Variants in SGMS1 observed in about 807,000 individuals in gnomAD.
SGMS1 encodes the protein sphingomyelin synthase 1.
Under a neutral mutation model 46.2 loss-of-function variants are expected in SGMS1, and 13 were observed. That is an observed-to-expected ratio of 0.28 (90% CI 0.18 to 0.45). The LOEUF (loss-of-function observed/expected upper bound fraction) is 0.45, where lower values mean the gene tolerates loss of function less well. Among genes scored for constraint, SGMS1 ranks in the 20% least tolerant of loss-of-function variants. SGMS1 has a pLI of 1.00. For missense variants in SGMS1, 324 were observed against 519.9 expected (o/e 0.62, Z 3.66); for synonymous variants, 203 against 187.8 (o/e 1.08, Z -0.66).
At chr10:50,537,357 G>A (rs1588869190) in intron 2 of SGMS1, among the ~76,000 whole-genome samples, 1 of 151,590 alleles carries the variant, frequency 6.6e-6, no homozygotes, top group East Asian at 1.9e-4. Context: ...ATAAAATGTT[G>A]GGGTACTCAG....
chr10:50,329,960 T>C (rs1240947059), intron 7 of SGMS1, among the ~76,000 whole-genome samples: 1 of 152,212 alleles, frequency 6.6e-6, no homozygotes, highest in Non-Finnish European at 1.5e-5. Context: ...CTGTTCAATT[T>C]GATTATAAGG....
At chr10:50,519,969 C>T (rs1837843629) in intron 2 of SGMS1, 48 bp from the exon 3 acceptor site, 1 of 152,252 alleles carries the variant, frequency 6.6e-6, no homozygotes, top group South Asian at 2.1e-4. Context: ...CCAGAAGGAA[C>T]AAAAGGGCCC....
chr10:50,319,549 C>G (rs180983840), intron 8 of SGMS1, among the ~76,000 whole-genome samples: 172 of 152,256 alleles, frequency 1.1e-3, no homozygotes, highest in African/African-American at 4.0e-3. Flanking sequence ...CTTATCATGC[C>G]CTGATTTCTT....
chr10:50,453,376 C>T (rs1837136669), intron 5 of SGMS1, among the ~76,000 whole-genome samples: 2 of 151,460 alleles, frequency 1.3e-5, no homozygotes, highest in Admixed American at 1.3e-4. Flanking sequence ...AAGTATTACA[C>T]CTTGGTCTAG....
At chr10:50,524,778 T>C (rs774154582) in intron 2 of SGMS1, among the ~76,000 whole-genome samples, 14 of 152,100 alleles carry the variant, frequency 9.2e-5, no homozygotes, top group Non-Finnish European at 1.2e-4. Context: ...TGAAACATAG[T>C]TAGTTGAAAA....
At chr10:50,578,125 C>T (rs908007584) in intron 2 of SGMS1, among the ~76,000 whole-genome samples, 20 of 152,194 alleles carry the variant, frequency 1.3e-4, no homozygotes, top group African/African-American at 3.9e-4. Context: ...TCTAAAACTG[C>T]TTAATTTTTG....
At chr10:50,455,193 G>A (rs569396640) in intron 5 of SGMS1, among the ~76,000 whole-genome samples, 31 of 152,178 alleles carry the variant, frequency 2.0e-4, no homozygotes, top group Middle Eastern at 3.4e-3. Flanking sequence ...AATTCCAGGG[G>A]TGTCATTTAC....
rs1483090880 is a variant in SGMS1, at chr10:50,430,655, T to C, written c.-232+2821A>G. 2.0e-5 allele frequency among the ~76,000 whole-genome samples: 3 copies of C among 152,194 alleles called. No individual in the cohort carries two copies. The East Asian group carries it at 5.8e-4, about 29-fold the overall frequency. On this transcript the variant is annotated intron_variant, in intron 6 of 10. Transcript: ENST00000361781. Reference sequence around the variant, plus strand: ...TTAAATATCTAATCCACATATCATCTGCTCCTGAATCTCATCCCTGATCTA... The same window carrying C: ...TTAAATATCTAATCCACATATCATCCGCTCCTGAATCTCATCCCTGATCTA...
chr10:50,622,432 G>A (rs1030357505), intron 1 of SGMS1, among the ~76,000 whole-genome samples: 1 of 152,150 alleles, frequency 6.6e-6, no homozygotes, highest in Admixed American at 6.5e-5. Flanking sequence ...AGCGTGGGGA[G>A]TTCACAGCAC....
chr10:50,371,243 T>A (rs1040750807), intron 6 of SGMS1, among the ~76,000 whole-genome samples: 3 of 152,202 alleles, frequency 2.0e-5, no homozygotes, highest in Non-Finnish European at 4.4e-5. Context: ...ACAGATAATT[T>A]GTCATTGACC....
chr10:50,616,963 C>T (rs1838803715), intron 1 of SGMS1, among the ~76,000 whole-genome samples: 1 of 152,036 alleles, frequency 6.6e-6, no homozygotes, highest in Non-Finnish European at 1.5e-5. Context: ...ATAAGCATTC[C>T]AAAATGCATA....
At chr10:50,538,476 A>G (rs1335656638) in intron 2 of SGMS1, among the ~76,000 whole-genome samples, 4 of 151,088 alleles carry the variant, frequency 2.6e-5, no homozygotes, top group South Asian at 4.2e-4. Flanking sequence ...AAAAAAAAAA[A>G]AGAGATAGCT....
At position 50,609,521 on chromosome 10, in the gene SGMS1, G is replaced by GTTTTTT. The variant is rs370846975; in HGVS notation, c.-684+14180_-684+14185dup. Among the ~76,000 whole-genome samples, 52 of 117,000 alleles carry GTTTTTT rather than the reference G, an allele frequency of 4.4e-4. 3 individuals are homozygous for GTTTTTT. Among genetic ancestry groups the GTTTTTT allele is most frequent in the African/African-American group, 1.3e-3 (42 of 31,262 alleles). The allele number at this position is 117,000 out of a possible 152,430, so 76.8% of individuals were successfully genotyped here. A position where few individuals can be genotyped will look rare whatever the true frequency, so the allele number is the denominator to read the frequency against. On this transcript the variant is annotated intron_variant, in intron 1 of 10. Transcript: ENST00000361781. ...GGGCCCAACCAGTACCTTCTCAATAGTTTTTTTTTTTTTTTTTTTTTTACA... is the reference window on the plus strand; with the variant it reads ...GGGCCCAACCAGTACCTTCTCAATAGTTTTTTTTTTTTTTTTTTTTTTTTTTTTACA...
chr10:50,524,557 G>A (rs967237363), intron 2 of SGMS1, among the ~76,000 whole-genome samples: 1 of 152,200 alleles, frequency 6.6e-6, no homozygotes, highest in Non-Finnish European at 1.5e-5. Flanking sequence ...AAACTTCACT[G>A]AGTGCTTTTG....
chr10:50,356,871 ATC>A (rs964622208), intron 6 of SGMS1, among the ~76,000 whole-genome samples: 1 of 152,102 alleles, frequency 6.6e-6, no homozygotes, highest in African/African-American at 2.4e-5. Context: ...GAACAATGAG[ATC>A]ACATGGACAC....
intron 3 of SGMS1, among the ~76,000 whole-genome samples, chr10:50,499,510 G>A (rs1320773778): frequency 6.6e-6 from 1 of 152,064 alleles, no homozygotes; most frequent in African/African-American, 2.4e-5. Context: ...AGATGACCCT[G>A]TTTTACAATT....
Position 50,395,380 on chromosome 10 carries a change from C to A in SGMS1, c.-232+38096G>T, listed in dbSNP as rs1190194362. Among the ~76,000 whole-genome samples, 4 of 152,236 alleles carry A rather than the reference C, an allele frequency of 2.6e-5. No individual in the cohort carries two copies. The East Asian group carries it at 7.7e-4, about 29-fold the overall frequency. ...CTTGACTCTCACACTGGATTAGTTA[C>A]CCCTCACTCAGACATACTGATGCAT... On this transcript the variant is annotated intron_variant, in intron 6 of 10. Coordinates refer to ENST00000361781, the MANE Select transcript of SGMS1 (RefSeq NM_147156.4).
intron 3 of SGMS1, among the ~76,000 whole-genome samples, chr10:50,508,951 TG>T: frequency 6.6e-6 from 1 of 152,340 alleles, no homozygotes; most frequent in South Asian, 2.1e-4. Flanking sequence ...AAACAGGGCT[TG>T]GGGCTCATTT....
chr10:50,352,917 A>T (rs1416300714), intron 6 of SGMS1, among the ~76,000 whole-genome samples: 1 of 152,232 alleles, frequency 6.6e-6, no homozygotes, highest in African/African-American at 2.4e-5. Context: ...ACAGACCAAT[A>T]ACAGGCTCTG....
Sources: gnomAD v4.1 joint callset for allele counts (sites outside exome capture counted in the v4.1 genomes callset) on GRCh38, gnomAD v4.1.1 for gene constraint, MANE v1.5 for transcripts, NCBI Gene and HGNC (gene_info 2026-07-23, HGNC 2026-07-21) for gene names.